Variants in REEP3 observed in about 807,000 individuals in gnomAD.
The protein encoded by REEP3 is receptor accessory protein 3.
In REEP3, 20 loss-of-function variants were observed where a neutral mutation model predicts 41.3. The observed-to-expected ratio is 0.48, with a 90% CI of 0.34 to 0.70. REEP3 has a LOEUF of 0.70. REEP3 is among the 30% of genes least tolerant of loss of function. REEP3 has a pLI of 0.01. For missense variants in REEP3, 271 were observed against 308.8 expected (o/e 0.88, Z 0.92); for synonymous variants, 104 against 101.8 (o/e 1.02, Z -0.13).
chr10:63,533,708 A>ATTTTTTTTTTTTTTTTTTTTTT lies in REEP3; in HGVS notation c.32+12132_32+12133insTTTTTTTTTTTTTTTTTTTTTT, dbSNP rs1464023228. 3.5e-4 allele frequency among the ~76,000 whole-genome samples: 33 copies of ATTTTTTTTTTTTTTTTTTTTTT among 94,042 alleles called. 1 individual carries two copies. The highest frequency in any genetic ancestry group is 5.8e-4 in the Non-Finnish European group (23 of 39,856). 61.7% of individuals were successfully genotyped at this position (94,042 alleles called of 152,430 possible). On this transcript the variant is annotated intron_variant, in intron 1 of 7. Transcript: ENST00000373758. ...ATGAAAGAGCCTTGGAAGTATGTAAATCTTTTTTTTTTTTTTTGAGACGGA... is the reference window on the plus strand; with the variant it reads ...ATGAAAGAGCCTTGGAAGTATGTAAATTTTTTTTTTTTTTTTTTTTTTTCTTTTTTTTTTTTTTTGAGACGGA...
intron 1 of REEP3, among the ~76,000 whole-genome samples, chr10:63,553,362 G>A (rs1170381746): frequency 6.6e-6 from 1 of 152,076 alleles, no homozygotes; most frequent in Non-Finnish European, 1.5e-5. Flanking sequence ...TCATTAAAAA[G>A]CGATAGCAAG....
In REEP3 at chr10:63,619,536, CA is replaced by C. The variant is rs1956336914; in HGVS notation, c.566-114del. 3.7e-6 allele frequency: 3 copies of C among 804,296 alleles called. No homozygotes were observed. The East Asian group carries it at 8.0e-5, about 22-fold the overall frequency. 49.8% of individuals were successfully genotyped at this position (804,296 alleles called of 1,614,324 possible). A position where few individuals can be genotyped will look rare whatever the true frequency, so the allele number is the denominator to read the frequency against. On this transcript the variant is annotated intron_variant, in intron 6 of 7. Coordinates refer to ENST00000373758, the MANE Select transcript of REEP3 (RefSeq NM_001001330.3). ...AAGGGCATGGAGCACATTCCAGATG[CA>C]AAAAGAGTAACTGGGGGAAATGCAA...
intron 6 of REEP3, among the ~76,000 whole-genome samples, chr10:63,611,209 C>T (rs1390023720): frequency 9.2e-5 from 14 of 152,206 alleles, no homozygotes; most frequent in Admixed American, 9.2e-4. Flanking sequence ...AGCACTAGTT[C>T]TAACCTGTAA....
intron 1 of REEP3, among the ~76,000 whole-genome samples, chr10:63,524,458 G>A (rs1408806335): frequency 6.6e-6 from 1 of 151,352 alleles, no homozygotes; most frequent in Non-Finnish European, 1.5e-5. Context: ...TCTTTTTTGA[G>A]ACAGAGTCTC....
chr10:63,551,141 C>A (rs999518648), intron 1 of REEP3, among the ~76,000 whole-genome samples: 1 of 151,994 alleles, frequency 6.6e-6, no homozygotes, highest in African/African-American at 2.4e-5. Flanking sequence ...TAGGAATGGG[C>A]AGGAAATATA....
intron 1 of REEP3, among the ~76,000 whole-genome samples, chr10:63,548,474 A>G (rs1412320519): frequency 1.3e-5 from 2 of 152,220 alleles, no homozygotes; most frequent in Non-Finnish European, 2.9e-5. Context: ...ATCAAAGAAC[A>G]TTAGACACTC....
At chr10:63,581,157 C>T (rs1454000897) in intron 2 of REEP3, among the ~76,000 whole-genome samples, 1 of 152,148 alleles carries the variant, frequency 6.6e-6, no homozygotes, top group Admixed American at 6.6e-5. Context: ...ACATGTACAT[C>T]ATCTTTCCAT....
intron 1 of REEP3, among the ~76,000 whole-genome samples, chr10:63,538,058 A>C (rs1343753194): frequency 1.3e-5 from 2 of 151,918 alleles, no homozygotes; most frequent in Non-Finnish European, 2.9e-5. Context: ...ATGTCTAAAA[A>C]ATGTGTAAAT....
intron 5 of REEP3, among the ~76,000 whole-genome samples, chr10:63,602,936 G>A (rs1003806274): frequency 6.6e-6 from 1 of 152,128 alleles, no homozygotes; most frequent in African/African-American, 2.4e-5. Context: ...CTGTCTGTCT[G>A]GAGCTAATGT....
chr10:63,594,862 T>C lies in REEP3; in HGVS notation c.182+8T>C. 2.5e-6 allele frequency: 4 copies of C among 1,592,334 alleles called. No individual in the cohort carries two copies. Among genetic ancestry groups the C allele is most frequent in the Non-Finnish European group, 3.4e-6 (4 of 1,160,354 alleles). ...CGATCAAACAGTTGCTTGGTAAGTT[T>C]TACTATTGAGAAGGGGCCAGACTAC... is the stretch of plus-strand genomic sequence containing the variant. On this transcript the variant is annotated splice_region_variant and intron_variant, in intron 3 of 7. Transcript: ENST00000373758.
intron 6 of REEP3, among the ~76,000 whole-genome samples, chr10:63,617,262 C>CT (rs1259339214): frequency 6.6e-6 from 1 of 152,160 alleles, no homozygotes; most frequent in South Asian, 2.1e-4. Flanking sequence ...GCCTAGAAGT[C>CT]TAAGAACATA....
chr10:63,522,404 T>G (rs921589408), intron 1 of REEP3, among the ~76,000 whole-genome samples: 2 of 152,182 alleles, frequency 1.3e-5, no homozygotes, highest in Non-Finnish European at 2.9e-5. Context: ...GTTGGTGGTG[T>G]TAATCGTGTA....
intron 2 of REEP3, among the ~76,000 whole-genome samples, chr10:63,584,637 G>C (rs12765951): frequency 0.21 from 30,764 of 148,164 alleles, 4,033 homozygotes; most frequent in Non-Finnish European, 0.3. Flanking sequence ...ATGATGGAGT[G>C]GGGGGGGAAT....
chr10:63,566,783 C>T (rs1443358766), intron 2 of REEP3, among the ~76,000 whole-genome samples: 1 of 152,096 alleles, frequency 6.6e-6, no homozygotes, highest in East Asian at 1.9e-4. Flanking sequence ...TTTTCCTCTT[C>T]TGTAGGTGTT....
intron 1 of REEP3, among the ~76,000 whole-genome samples, chr10:63,537,675 T>G (rs769363644): frequency 7.2e-5 from 11 of 152,170 alleles, no homozygotes; most frequent in Non-Finnish European, 1.5e-4. Context: ...AAGGAGAGGC[T>G]GATCCTGTCC....
intron 5 of REEP3, among the ~76,000 whole-genome samples, chr10:63,605,417 A>G (rs1348077231): frequency 6.6e-6 from 1 of 152,208 alleles, no homozygotes; most frequent in Non-Finnish European, 1.5e-5. Flanking sequence ...ATGTAACATC[A>G]GGGATCAACA....
Position 63,623,200 on chromosome 10 carries a change from T to C in REEP3, c.*2331T>C, listed in dbSNP as rs974086892. 2.5e-4 allele frequency: 38 copies of C among 152,266 alleles called. No individual in the cohort carries two copies. Among genetic ancestry groups the C allele is most frequent in the Non-Finnish European group, 8.8e-5 (6 of 68,050 alleles). The allele number at this position is 152,266 out of a possible 1,614,324, so 9.4% of individuals were successfully genotyped here. ...TTCACATTCACAGTGCTTCCTCTGATATCTTTCCTTACATCATTATACACT... is the reference window on the plus strand; with the variant it reads ...TTCACATTCACAGTGCTTCCTCTGACATCTTTCCTTACATCATTATACACT... On this transcript the variant is annotated 3_prime_UTR_variant, in exon 8 of 8. Coordinates refer to ENST00000373758, the MANE Select transcript of REEP3 (RefSeq NM_001001330.3).
chr10:63,576,778 A>C (rs1955902351), intron 2 of REEP3, among the ~76,000 whole-genome samples: 1 of 152,184 alleles, frequency 6.6e-6, no homozygotes, highest in Non-Finnish European at 1.5e-5. Flanking sequence ...CCTGGCTTGT[A>C]AGGCAGCCAC....
At chr10:63,614,243 A>G (rs1487697484) in intron 6 of REEP3, among the ~76,000 whole-genome samples, 1 of 152,250 alleles carries the variant, frequency 6.6e-6, no homozygotes, top group African/African-American at 2.4e-5. Flanking sequence ...TTTTTAATTA[A>G]CAGTGCTCTG....
Sources: allele counts gnomAD v4.1 joint callset (sites outside exome capture counted in the v4.1 genomes callset), GRCh38; gene constraint gnomAD v4.1.1; transcripts MANE v1.5; gene names NCBI Gene and HGNC (gene_info 2026-07-23, HGNC 2026-07-21).